ADAMTS12: variants seen among roughly 807,000 people sequenced by gnomAD.
ADAMTS12 encodes A disintegrin and metalloproteinase with thrombospondin motifs 12.
ADAMTS12 carries 118 observed loss-of-function variants against 167.8 expected under a neutral mutation model. The ratio of observed to expected loss-of-function variants is 0.70; its 90% CI spans 0.61 to 0.82. The LOEUF is 0.82. Ranked by LOEUF, ADAMTS12 falls within the 40% of genes least tolerant of loss-of-function variation. ADAMTS12 has a pLI of 0.00. For synonymous variants in ADAMTS12, 704 were observed against 716.9 expected, an observed-to-expected ratio of 0.98 and a Z score of 0.29; for missense variants, 1,916 against 1,998.8, an observed-to-expected ratio of 0.96 and a Z score of 0.79.
At chr5:33,734,810 G>A (rs1744314658) in intron 3 of ADAMTS12, among the ~76,000 whole-genome samples, 1 of 152,158 alleles carries the variant, frequency 6.6e-6, no homozygotes, top group Non-Finnish European at 1.5e-5. Flanking sequence ...TCTGCTCAGG[G>A]CTTGGGAAAT....
chr5:33,857,729 T>C (rs934643367), intron 2 of ADAMTS12, among the ~76,000 whole-genome samples: 1 of 152,222 alleles, frequency 6.6e-6, no homozygotes, highest in East Asian at 1.9e-4. Flanking sequence ...AGTTAGACGT[T>C]AGAGCAAAGG....
intron 3 of ADAMTS12, among the ~76,000 whole-genome samples, chr5:33,700,237 T>C (rs1263281756): frequency 1.3e-5 from 2 of 152,208 alleles, no homozygotes; most frequent in African/African-American, 4.8e-5. Context: ...TATGTCCACA[T>C]AAAAATCTGT....
chr5:33,868,114 A>T (rs750327464), intron 2 of ADAMTS12, among the ~76,000 whole-genome samples: 1 of 152,122 alleles, frequency 6.6e-6, no homozygotes, highest in Non-Finnish European at 1.5e-5. Flanking sequence ...TGTACAGCCT[A>T]TGGAACTGAG....
intron 3 of ADAMTS12, among the ~76,000 whole-genome samples, chr5:33,723,942 G>A (rs556002681): frequency 2.4e-4 from 37 of 152,346 alleles, no homozygotes; most frequent in African/African-American, 8.9e-4. Flanking sequence ...GCAATGCAAT[G>A]AAGAAAGACA....
chr5:33,740,939 G>A (rs977624268), intron 3 of ADAMTS12, among the ~76,000 whole-genome samples: 11 of 152,132 alleles, frequency 7.2e-5, no homozygotes, highest in African/African-American at 2.4e-4. Context: ...CTTATAAAGC[G>A]GACATTCAAA....
intron 3 of ADAMTS12, among the ~76,000 whole-genome samples, chr5:33,700,472 G>A (rs1742958656): frequency 6.6e-6 from 1 of 152,134 alleles, no homozygotes; most frequent in South Asian, 2.1e-4. Context: ...ATTTTTAAAT[G>A]ACAAAATTTT....
intron 1 of ADAMTS12, among the ~76,000 whole-genome samples, chr5:33,888,682 A>C (rs1162657950): frequency 1.3e-5 from 2 of 152,212 alleles, no homozygotes; most frequent in African/African-American, 4.8e-5. Flanking sequence ...GGAGCAAAAG[A>C]GGTCATGGAA....
intron 19 of ADAMTS12, among the ~76,000 whole-genome samples, chr5:33,567,897 T>A (rs1418586590): frequency 6.6e-6 from 1 of 151,956 alleles, no homozygotes; most frequent in African/African-American, 2.4e-5. Flanking sequence ...GAGCCAGGGG[T>A]CATGGGTTCT....
chr5:33,816,490 G>A (rs1015196565), intron 2 of ADAMTS12, among the ~76,000 whole-genome samples: 13 of 151,934 alleles, frequency 8.6e-5, no homozygotes, highest in East Asian at 1.9e-4. Context: ...CCCTTCACCC[G>A]CTAGCCTCTG....
rs1017098542 is a variant in ADAMTS12, at chr5:33,671,649, AC to A, written c.916-9610del. Among the ~76,000 whole-genome samples, 34 of 152,200 alleles carry A rather than the reference AC, an allele frequency of 2.2e-4. No homozygotes were observed. The Middle Eastern group carries it at 0.014, about 61-fold the overall frequency. On this transcript the variant is annotated intron_variant, in intron 5 of 23. Transcript: ENST00000504830. Reference sequence around the variant, plus strand: ...AACTCATACCTTTGAATCAAAGGGAACCTGTAGTCTTTCAGATGAGTTACAG... The same window carrying A: ...AACTCATACCTTTGAATCAAAGGGAACTGTAGTCTTTCAGATGAGTTACAG...
chr5:33,796,637 T>A (rs2112465923), intron 2 of ADAMTS12, among the ~76,000 whole-genome samples: 1 of 152,292 alleles, frequency 6.6e-6, no homozygotes, highest in South Asian at 2.1e-4. Flanking sequence ...ATGACACATG[T>A]CACTTCCAGG....
chr5:33,624,184 C>T, intron 14 of ADAMTS12, 47 bp downstream of exon 14: 2 of 1,610,492 alleles, frequency 1.2e-6, no homozygotes, highest in African/African-American at 2.7e-5. Flanking sequence ...TTATCTTGCC[C>T]CCCACCTTTG....
intron 2 of ADAMTS12, among the ~76,000 whole-genome samples, chr5:33,781,777 T>TG (rs1170727223): frequency 1.3e-5 from 2 of 152,120 alleles, no homozygotes; most frequent in African/African-American, 4.8e-5. Context: ...ACATGTGCCA[T>TG]GCTGGTGTGC....
intron 3 of ADAMTS12, among the ~76,000 whole-genome samples, chr5:33,685,980 G>A (rs1395039396): frequency 6.6e-6 from 1 of 152,138 alleles, no homozygotes; most frequent in African/African-American, 2.4e-5. Flanking sequence ...GCCCACGTGG[G>A]CTGGTGTTTT....
In ADAMTS12 at chr5:33,588,675, A is replaced by G; in HGVS notation, c.2789T>C (p.Leu930Pro). 2 of 1,614,124 alleles carry G rather than the reference A, an allele frequency of 1.2e-6. No individual in the cohort carries two copies. The highest frequency in any genetic ancestry group is 2.2e-5 in the South Asian group (2 of 91,078). The change falls in exon 18 of 24, where the codon CTG becomes CCG. Residue 930 changes from leucine (L) to proline (P), a missense_variant. Transcript: ENST00000504830. ...GCAGGAAAGGAGGGTCTTGGGCTTCAGCAGGTGCTGGCAGTCTGTGGGCGG... is the reference window on the plus strand; with the variant it reads ...GCAGGAAAGGAGGGTCTTGGGCTTCGGCAGGTGCTGGCAGTCTGTGGGCGG... ...ALPPTDCQHL[L>P]KPKTLLSCNR...
At chr5:33,823,091 TAAAA>T (rs34101310) in intron 2 of ADAMTS12, among the ~76,000 whole-genome samples, 1 of 140,160 alleles carries the variant, frequency 7.1e-6, no homozygotes, top group African/African-American at 2.7e-5. Context: ...ACCCCATTTC[TAAAA>T]AAAAAAAAAA....
At chr5:33,699,255 C>T (rs1174113969) in intron 3 of ADAMTS12, among the ~76,000 whole-genome samples, 2 of 151,824 alleles carry the variant, frequency 1.3e-5, no homozygotes, top group Non-Finnish European at 2.9e-5. Context: ...CAGAAATAGA[C>T]CCACACAAAG....
intron 23 of ADAMTS12, 58 bp downstream of exon 23, chr5:33,534,775 A>G: frequency 1.3e-6 from 2 of 1,552,738 alleles, no homozygotes; most frequent in Non-Finnish European, 8.7e-7. Flanking sequence ...AAGTTGTATC[A>G]TGCAGGATGA....
intron 18 of ADAMTS12, among the ~76,000 whole-genome samples, chr5:33,585,843 A>AT (rs1747319499): frequency 6.6e-6 from 1 of 152,094 alleles, no homozygotes; most frequent in Non-Finnish European, 1.5e-5. Context: ...CCCCTTTCTG[A>AT]TCCCTGCTGG....
Sources: gnomAD v4.1 joint callset for allele counts (sites outside exome capture counted in the v4.1 genomes callset) on GRCh38, gnomAD v4.1.1 for gene constraint, MANE v1.5 for transcripts, NCBI Gene and HGNC (gene_info 2026-07-23, HGNC 2026-07-21) for gene names.